CCDC170: variants seen among roughly 807,000 people sequenced by gnomAD.
CCDC170 encodes the protein coiled-coil domain-containing protein 170.
CCDC170 carries 69 observed loss-of-function variants against 72.6 expected under a neutral mutation model. That is an observed-to-expected ratio of 0.95 (90% CI 0.78 to 1.16). The LOEUF (loss-of-function observed/expected upper bound fraction) is 1.16, where lower values mean the gene tolerates loss of function less well. Among genes scored for constraint, CCDC170 ranks in the 50% most tolerant of loss-of-function variants. The pLI is 0.00. For synonymous variants in CCDC170, 300 were observed against 303.9 expected (o/e 0.99, Z 0.13); for missense variants, 852 against 832.5 (o/e 1.02, Z -0.29).
intron 9 of CCDC170, among the ~76,000 whole-genome samples, chr6:151,607,978 T>G (rs984077475): frequency 6.6e-6 from 1 of 152,194 alleles, no homozygotes; most frequent in East Asian, 1.9e-4. Context: ...AATGCAAATA[T>G]TTGTTCACTT....
At chr6:151,520,441 C>T (rs978716225) in intron 1 of CCDC170, among the ~76,000 whole-genome samples, 1 of 152,232 alleles carries the variant, frequency 6.6e-6, no homozygotes, top group Non-Finnish European at 1.5e-5. Flanking sequence ...AACCTTTAAG[C>T]TGTCCTTGTT....
intron 8 of CCDC170, 103 bp from the exon 9 acceptor site, chr6:151,596,232 C>A: frequency 7.7e-7 from 1 of 1,302,136 alleles, no homozygotes; most frequent in Non-Finnish European, 1.0e-6. Flanking sequence ...TTACAAATTA[C>A]TCTTATTGAG....
chr6:151,497,338 A>T (rs1781925045), intron 1 of CCDC170, among the ~76,000 whole-genome samples: 2 of 152,278 alleles, frequency 1.3e-5, no homozygotes, highest in South Asian at 4.1e-4. Context: ...CCTTGATCGC[A>T]CTACTGCACC....
chr6:151,574,776 T>C (rs1776277559), intron 6 of CCDC170, among the ~76,000 whole-genome samples: 1 of 152,204 alleles, frequency 6.6e-6, no homozygotes, highest in Non-Finnish European at 1.5e-5. Context: ...AGACCTGTAA[T>C]GGTATCTGGC....
intron 8 of CCDC170, among the ~76,000 whole-genome samples, chr6:151,595,495 C>G (rs1776607840): frequency 6.6e-6 from 1 of 151,924 alleles, no homozygotes; most frequent in South Asian, 2.1e-4. Context: ...ACTTAAAAAT[C>G]TCCTTGGTAT....
intron 3 of CCDC170, 47 bp downstream of exon 3, chr6:151,538,348 C>T: frequency 6.5e-7 from 1 of 1,536,792 alleles, no homozygotes; most frequent in Non-Finnish European, 8.9e-7. Context: ...CATTAAAATA[C>T]TAGCTTCTGA....
intron 5 of CCDC170, among the ~76,000 whole-genome samples, chr6:151,562,656 G>T (rs138616075): frequency 1.2e-4 from 18 of 152,210 alleles, no homozygotes; most frequent in African/African-American, 4.3e-4. Flanking sequence ...AGAGTCCTGG[G>T]GCACTTATTT....
chr6:151,586,244 T>G (rs79381842), intron 7 of CCDC170, among the ~76,000 whole-genome samples, 155 bp downstream of exon 7: 1,883 of 152,288 alleles, frequency 0.012, 40 homozygotes, highest in African/African-American at 0.043. Context: ...GGAGCTTCCT[T>G]GATTCAAATT....
intron 1 of CCDC170, among the ~76,000 whole-genome samples, chr6:151,513,133 G>C (rs867834126): frequency 9.2e-5 from 14 of 152,298 alleles, no homozygotes; most frequent in African/African-American, 3.4e-4. Context: ...AATCGCGGGA[G>C]AGTAGTCAAC....
intron 1 of CCDC170, among the ~76,000 whole-genome samples, chr6:151,532,960 G>C (rs556166998): frequency 6.6e-6 from 1 of 152,144 alleles, no homozygotes; most frequent in Non-Finnish European, 1.5e-5. Flanking sequence ...TTGCCTGCAC[G>C]GGCCAGATCC....
At chr6:151,541,711 A>G (rs1782693350) in intron 3 of CCDC170, among the ~76,000 whole-genome samples, 1 of 151,030 alleles carries the variant, frequency 6.6e-6, no homozygotes, top group South Asian at 2.1e-4. Flanking sequence ...GATTATAGAA[A>G]AGCTATAATT....
chr6:151,502,721 A>G (rs575090207), intron 1 of CCDC170, among the ~76,000 whole-genome samples: 19 of 152,348 alleles, frequency 1.2e-4, no homozygotes, highest in Non-Finnish European at 2.1e-4. Flanking sequence ...TTAGTGAATC[A>G]TACATTGTAT....
At chr6:151,588,215 C>T (rs7766417) in intron 7 of CCDC170, among the ~76,000 whole-genome samples, 137,402 of 152,210 alleles carry the variant, frequency 0.9, 62,175 homozygotes, top group East Asian at 0.99. Context: ...GGTGTCCAAC[C>T]TTTTGGCTTC....
chr6:151,501,614 C>T (rs1469361200), intron 1 of CCDC170, among the ~76,000 whole-genome samples: 3 of 152,168 alleles, frequency 2.0e-5, no homozygotes, highest in Non-Finnish European at 4.4e-5. Flanking sequence ...TCTTTGACCA[C>T]CTGGCTTTAG....
At chr6:151,600,745 A>G (rs979342889) in intron 9 of CCDC170, among the ~76,000 whole-genome samples, 1 of 152,150 alleles carries the variant, frequency 6.6e-6, no homozygotes, top group Admixed American at 6.6e-5. Flanking sequence ...AAATATTTAC[A>G]TGCCATAAAG....
chr6:151,494,549 A>C (rs1781881557), intron 1 of CCDC170, among the ~76,000 whole-genome samples: 1 of 152,174 alleles, frequency 6.6e-6, no homozygotes, highest in South Asian at 2.1e-4. Context: ...CTTCGGAGCA[A>C]TTTCTGGAAA....
intron 8 of CCDC170, among the ~76,000 whole-genome samples, chr6:151,594,945 C>CCA (rs1393209334): frequency 1.3e-5 from 2 of 152,100 alleles, no homozygotes; most frequent in African/African-American, 2.4e-5. Context: ...GCCACCATGC[C>CCA]CAGCCTGGAG....
At chr6:151,495,700 T>G (rs919614591) in intron 1 of CCDC170, among the ~76,000 whole-genome samples, 2 of 152,224 alleles carry the variant, frequency 1.3e-5, no homozygotes, top group Non-Finnish European at 2.9e-5. Context: ...TTTATCGTGT[T>G]GCTCAGGCTG....
At chr6:151,505,784 A>G (rs1782059148) in intron 1 of CCDC170, among the ~76,000 whole-genome samples, 1 of 152,166 alleles carries the variant, frequency 6.6e-6, no homozygotes, top group South Asian at 2.1e-4. Flanking sequence ...TCTGTTCCAG[A>G]AAGCCTACTT....
Sources: allele counts gnomAD v4.1 joint callset (sites outside exome capture counted in the v4.1 genomes callset), GRCh38; gene constraint gnomAD v4.1.1; transcripts MANE v1.5; gene names NCBI Gene and HGNC (gene_info 2026-07-23, HGNC 2026-07-21).